The following SFI1 variants were observed in gnomAD, a reference collection of about 807,000 sequenced individuals.
SFI1 encodes SFI1 centrin binding protein.
Under a neutral mutation model 207.5 loss-of-function variants are expected in SFI1, and 195 were observed. The ratio of observed to expected loss-of-function variants is 0.94; its 90% CI spans 0.84 to 1.06. SFI1 has a LOEUF of 1.06. Among genes scored for constraint, SFI1 ranks in the 50% least tolerant of loss-of-function variants. SFI1 has a pLI of 0.00. For missense variants in SFI1, 1,634 were observed against 1,588.0 expected (o/e 1.03, Z -0.49); for synonymous variants, 630 against 598.9 (o/e 1.05, Z -0.76).
intron 3 of SFI1, among the ~76,000 whole-genome samples, chr22:31,530,286 C>T (rs111381149): frequency 0.012 from 1,797 of 145,990 alleles, 41 homozygotes; most frequent in African/African-American, 0.043. Flanking sequence ...GTCAGGAGAT[C>T]GAGACCATCC....
At chr22:31,509,979 G>T (rs2055247672) in intron 2 of SFI1, among the ~76,000 whole-genome samples, 1 of 151,860 alleles carries the variant, frequency 6.6e-6, no homozygotes, top group African/African-American at 2.4e-5. Flanking sequence ...GGAGTGCAGT[G>T]GTACAGTCTC....
intron 24 of SFI1, 58 bp downstream of exon 24, chr22:31,611,898 G>A (rs1603353333): frequency 6.2e-7 from 1 of 1,604,014 alleles, no homozygotes; most frequent in East Asian, 2.2e-5. Flanking sequence ...GGCCTGTGAG[G>A]CCTGGGCAGT....
chr22:31,581,510 G>A (rs1219851233), intron 12 of SFI1, among the ~76,000 whole-genome samples: 1 of 151,308 alleles, frequency 6.6e-6, no homozygotes, highest in East Asian at 1.9e-4. Flanking sequence ...TGGGCTGGTC[G>A]CAAACTCCTG....
intron 7 of SFI1, chr22:31,559,372 G>A (rs779934878): frequency 4.7e-5 from 12 of 257,246 alleles, no homozygotes; most frequent in African/African-American, 9.2e-5. Context: ...GCAGTGAGTC[G>A]AGATTGTGCC....
At chr22:31,549,276 T>A in intron 5 of SFI1, among the ~76,000 whole-genome samples, 1 of 108,360 alleles carries the variant, frequency 9.2e-6, no homozygotes, top group Non-Finnish European at 1.7e-5. Context: ...GGTGACAGAG[T>A]GAGACCCTGT....
chr22:31,557,046 C>CG lies in SFI1; in HGVS notation c.651dup (p.Ile218AspfsTer78). 6.2e-7 allele frequency: 1 copy of CG among 1,603,698 alleles called. No homozygotes were observed. ...GACTACAGCTCTGGAGTTTAGGCAA[C>CG]GGATTATCTTACGGTGAGTCTGCTC... On this transcript the variant is annotated frameshift_variant, in exon 7 of 33. Transcript: ENST00000400288. LOFTEE classifies it high-confidence loss of function.
chr22:31,574,540 C>T (rs533134918), intron 9 of SFI1, among the ~76,000 whole-genome samples: 1 of 152,332 alleles, frequency 6.6e-6, no homozygotes, highest in South Asian at 2.1e-4. Flanking sequence ...GACTCAATCT[C>T]TAAGTCCTAT....
intron 8 of SFI1, among the ~76,000 whole-genome samples, chr22:31,567,104 A>G (rs2062397439): frequency 6.6e-6 from 1 of 151,996 alleles, no homozygotes. Flanking sequence ...ACGGGGTTTC[A>G]CCGTGTTAGC....
chr22:31,570,260 A>G (rs554928861), intron 8 of SFI1, among the ~76,000 whole-genome samples: 8 of 152,314 alleles, frequency 5.3e-5, no homozygotes, highest in East Asian at 1.9e-4. Context: ...TGGATTCTCA[A>G]TGTCTTTAAA....
intron 6 of SFI1, among the ~76,000 whole-genome samples, chr22:31,555,062 G>A (rs80211894): frequency 0.057 from 8,629 of 152,076 alleles, 338 homozygotes; most frequent in South Asian, 0.11. Flanking sequence ...TTTTGTTAAG[G>A]TTTGTTCTGT....
At chr22:31,528,915 T>G (rs771317779) in intron 3 of SFI1, 52 bp downstream of exon 3, 11 of 1,535,978 alleles carry the variant, frequency 7.2e-6, no homozygotes, top group Non-Finnish European at 5.3e-6. Flanking sequence ...TTGTTCTCCT[T>G]TCTTGGTTAA....
At chr22:31,497,566 C>T (rs1205784518) in intron 1 of SFI1, among the ~76,000 whole-genome samples, 1 of 152,094 alleles carries the variant, frequency 6.6e-6, no homozygotes, top group Non-Finnish European at 1.5e-5. Flanking sequence ...TGAGAGGCAA[C>T]AATATTGAAA....
intron 24 of SFI1, 100 bp from the exon 25 acceptor site, chr22:31,613,042 T>TAG: frequency 7.6e-7 from 1 of 1,313,060 alleles, no homozygotes; most frequent in Non-Finnish European, 1.0e-6. Flanking sequence ...GAGCCTCGAC[T>TAG]AGAGAGGGAG....
chr22:31,593,993 AG>A (rs2146653404), intron 15 of SFI1, among the ~76,000 whole-genome samples: 1 of 37,964 alleles, frequency 2.6e-5, no homozygotes, highest in Non-Finnish European at 6.1e-5. Flanking sequence ...GAGACGAGGG[AG>A]AGGGAGAGGG....
intron 15 of SFI1, among the ~76,000 whole-genome samples, chr22:31,593,797 CG>C (rs2066561738): frequency 6.7e-6 from 1 of 149,638 alleles, no homozygotes; most frequent in African/African-American, 2.5e-5. Flanking sequence ...GGCTGGAGAC[CG>C]GCCCGGCCAA....
Position 31,612,394 on chromosome 22 carries a change from A to ATACATATATATATAT in SFI1, c.2490+554_2490+555insTACATATATATATAT, listed in dbSNP as rs1367477107. ...GACTCTGTCTAAAAAAAAAAAAAAA[A>ATACATATATATATAT]AAAAATATATATATATATATATATA... On this transcript the variant is annotated intron_variant, in intron 24 of 32. Coordinates refer to ENST00000400288, the MANE Select transcript of SFI1 (RefSeq NM_001007467.3). The ATACATATATATATAT allele has an allele frequency of 2.8e-5, 3 of 107,342 alleles. 1 individual carries two copies. Among genetic ancestry groups the ATACATATATATATAT allele is most frequent in the African/African-American group, 1.1e-4 (3 of 26,812 alleles). The allele number at this position is 107,342 out of a possible 1,614,324, so 6.6% of individuals were successfully genotyped here.
chr22:31,549,208 G>A (rs188595319), intron 5 of SFI1, among the ~76,000 whole-genome samples: 2 of 145,928 alleles, frequency 1.4e-5, no homozygotes, highest in African/African-American at 2.5e-5. Flanking sequence ...GAGTACCTGA[G>A]CCCAGGGAGG....
In SFI1 at chr22:31,514,775, C is replaced by CT. The variant is rs1219405122; in HGVS notation, c.92+6414dup. ...TTGTCGAAAACGACAGAATTTCTTCCTTTTTTTTTTTTTTTGAGACGGAGT... is the reference window on the plus strand; with the variant it reads ...TTGTCGAAAACGACAGAATTTCTTCCTTTTTTTTTTTTTTTTGAGACGGAGT... On this transcript the variant is annotated intron_variant, in intron 2 of 32. Transcript: ENST00000400288. Among the ~76,000 whole-genome samples the CT allele has an allele frequency of 3.1e-3, 434 of 141,008 alleles. 2 individuals carry two copies. Among genetic ancestry groups the CT allele is most frequent in the African/African-American group, 4.1e-3 (159 of 38,714 alleles). The allele number at this position is 141,008 out of a possible 152,430, so 92.5% of individuals were successfully genotyped here. A position where few individuals can be genotyped will look rare whatever the true frequency, so the allele number is the denominator to read the frequency against.
chr22:31,496,896 C>G (rs2052747162), intron 1 of SFI1, among the ~76,000 whole-genome samples: 1 of 152,254 alleles, frequency 6.6e-6, no homozygotes, highest in African/African-American at 2.4e-5. Context: ...TTCTTGTCTT[C>G]CGCCCTGGGG....
Sources: allele counts gnomAD v4.1 joint callset (sites outside exome capture counted in the v4.1 genomes callset), GRCh38; gene constraint gnomAD v4.1.1; transcripts MANE v1.5; gene names NCBI Gene and HGNC (gene_info 2026-07-23, HGNC 2026-07-21).